The following SYNE1 variants were observed in gnomAD, a reference collection of about 807,000 sequenced individuals.
SYNE1 encodes nesprin-1.
Under a neutral mutation model 1,111.0 loss-of-function variants are expected in SYNE1, and 616 were observed. The observed-to-expected ratio is 0.55, with a 90% confidence interval of 0.52 to 0.59. SYNE1 has a LOEUF of 0.59. SYNE1 is among the 20% of genes least tolerant of loss of function. The pLI is 0.00. For synonymous variants in SYNE1, 3,855 were observed against 3,825.8 expected (o/e 1.01, Z -0.28); for missense variants, 10,006 against 10,417.0 (o/e 0.96, Z 1.72).
intron 100 of SYNE1, among the ~76,000 whole-genome samples, chr6:152,266,714 T>C (rs961770951): frequency 1.3e-5 from 2 of 152,228 alleles, no homozygotes; most frequent in Non-Finnish European, 2.9e-5. Flanking sequence ...TTTCCTTTTC[T>C]TGAATGCCTT....
Position 152,451,093 on chromosome 6 carries a change from T to C in SYNE1, c.3140A>G (p.Lys1047Arg). 6.2e-7 allele frequency: 1 copy of C among 1,614,172 alleles called. No homozygotes were observed. ...TTCACTGCCTTCCTGGGGCATCAGC[T>C]TGGTCTCTCGATCCAGCTCAGTTCT... ...ECRTELDRET[K>R]LMPQEGSEKI... The change falls in exon 26 of 146, where the codon AAG (lysine) becomes AGG (arginine). Residue 1047 changes from lysine to arginine, a missense_variant. Physicochemically the swap from Lys to Arg is conservative, Grantham distance 26 (BLOSUM62 2). Coordinates refer to ENST00000367255, the MANE Select transcript of SYNE1 (RefSeq NM_182961.4).
At chr6:152,307,557 C>T (rs2095417746) in intron 91 of SYNE1, among the ~76,000 whole-genome samples, 1 of 151,918 alleles carries the variant, frequency 6.6e-6, no homozygotes, top group African/African-American at 2.4e-5. Context: ...TGAATTTGAC[C>T]TATATGGAAT....
chr6:152,486,254 C>T (rs2098939886), intron 12 of SYNE1, among the ~76,000 whole-genome samples: 1 of 151,696 alleles, frequency 6.6e-6, no homozygotes, highest in African/African-American at 2.4e-5. Context: ...AACAAAACAT[C>T]AAATCAACTT....
At chr6:152,320,924 C>G (rs1475774160) in intron 84 of SYNE1, among the ~76,000 whole-genome samples, 3 of 152,178 alleles carry the variant, frequency 2.0e-5, no homozygotes. Context: ...GGAAGAGTCC[C>G]TGGCACACTC....
intron 14 of SYNE1, among the ~76,000 whole-genome samples, chr6:152,479,736 G>A (rs2154290730): frequency 6.6e-6 from 1 of 152,222 alleles, no homozygotes; most frequent in Non-Finnish European, 1.5e-5. Flanking sequence ...TAGGGTAACT[G>A]GAAAATAGAA....
intron 2 of SYNE1, among the ~76,000 whole-genome samples, chr6:152,636,231 T>G (rs1331430039): frequency 6.6e-6 from 1 of 151,618 alleles, no homozygotes; most frequent in African/African-American, 2.4e-5. Flanking sequence ...AGTCAGGGGG[T>G]GGAGGAAGGG....
intron 122 of SYNE1, 21 bp from the exon 123 acceptor site, chr6:152,213,780 G>A (rs1430609577): frequency 1.2e-6 from 2 of 1,613,704 alleles, no homozygotes; most frequent in Admixed American, 1.7e-5. Context: ...AAAGGGCAAG[G>A]AACAATGGTT....
chr6:152,593,222 CTA>C, intron 3 of SYNE1, among the ~76,000 whole-genome samples: 1 of 152,224 alleles, frequency 6.6e-6, no homozygotes, highest in Middle Eastern at 3.4e-3. Context: ...TTCCAAGAAT[CTA>C]TTGATAGCAT....
At chr6:152,384,654 T>C (rs1451314018) in intron 55 of SYNE1, among the ~76,000 whole-genome samples, 1 of 152,168 alleles carries the variant, frequency 6.6e-6, no homozygotes, top group East Asian at 1.9e-4. Context: ...GGCAGGCTGA[T>C]CACCTGAGGT....
At chr6:152,417,521 C>CAAACAAAA (rs139258214) in intron 40 of SYNE1, among the ~76,000 whole-genome samples, 28,804 of 151,688 alleles carry the variant, frequency 0.19, 2,879 homozygotes, top group East Asian at 0.35. Flanking sequence ...AACAAACAAA[C>CAAACAAAA]AAACACAACT....
At chr6:152,443,813 C>T (rs1327077147) in intron 30 of SYNE1, among the ~76,000 whole-genome samples, 2 of 151,906 alleles carry the variant, frequency 1.3e-5, no homozygotes, top group East Asian at 3.9e-4. Flanking sequence ...GTATATATTC[C>T]TTTTATGCAA....
intron 72 of SYNE1, among the ~76,000 whole-genome samples, chr6:152,347,630 A>C (rs1325291213): frequency 6.6e-6 from 1 of 151,384 alleles, no homozygotes; most frequent in Non-Finnish European, 1.5e-5. Flanking sequence ...AACTTTATAT[A>C]ATATCTTATT....
chr6:152,462,664 T>G (rs142612936), intron 20 of SYNE1, 74 bp downstream of exon 20: 23 of 1,583,360 alleles, frequency 1.5e-5, no homozygotes, highest in Non-Finnish European at 1.8e-5. Context: ...GCTTTTGCAA[T>G]GATCTGAATA....
intron 6 of SYNE1, among the ~76,000 whole-genome samples, chr6:152,511,869 C>T (rs1350146814): frequency 6.6e-6 from 1 of 152,140 alleles, no homozygotes; most frequent in Non-Finnish European, 1.5e-5. Context: ...GTTTTTCATC[C>T]ACTACAAAGT....
chr6:152,345,205 G>T (rs2096609090), intron 73 of SYNE1, among the ~76,000 whole-genome samples: 1 of 152,112 alleles, frequency 6.6e-6, no homozygotes, highest in Non-Finnish European at 1.5e-5. Context: ...TAAAAATTAT[G>T]TTGGCTTTTC....
At position 152,255,715 on chromosome 6, in the gene SYNE1, A is replaced by G. The variant is rs777882357; in HGVS notation, c.19136T>C (p.Leu6379Ser). Residue 6379 changes from leucine to serine, a missense_variant, in exon 103 of 146, where the codon TTG becomes TCG. By Grantham distance (145) the Leu-to-Ser change is moderately radical (BLOSUM62 -2). This residue lies in a region of SYNE1 where 2,182 missense variants were observed against 2,287.8 expected (regional missense o/e 0.95). Transcript: ENST00000367255. Reference sequence around the variant, plus strand: ...GACTCCATCATACAACTTCTGCTCCAAGTGTATACTCTGCCTCTTTGCCCC... The same window carrying G: ...GACTCCATCATACAACTTCTGCTCCGAGTGTATACTCTGCCTCTTTGCCCC... ...SGGAKRQSIH[L>S]EQKLYDGVSA... 5 of 1,614,208 alleles carry G rather than the reference A, an allele frequency of 3.1e-6. No individual in the cohort carries two copies. The Admixed American group carries it at 8.3e-5, about 27-fold the overall frequency.
intron 100 of SYNE1, among the ~76,000 whole-genome samples, chr6:152,264,932 G>A (rs113266381): frequency 5.9e-5 from 9 of 152,050 alleles, no homozygotes; most frequent in Admixed American, 2.0e-4. Context: ...TCTTAGGGCT[G>A]GGCGTGGTGG....
intron 127 of SYNE1, among the ~76,000 whole-genome samples, chr6:152,191,412 G>A (rs1274852405): frequency 1.3e-5 from 2 of 151,962 alleles, no homozygotes; most frequent in Non-Finnish European, 2.9e-5. Context: ...ATCAGGTCCT[G>A]GGCTTCTTTG....
At position 152,205,730 on chromosome 6, in the gene SYNE1, G is replaced by C. The variant is rs115176364; in HGVS notation, c.23019+438C>G. Among the ~76,000 whole-genome samples the C allele has an allele frequency of 4.1e-3, 622 of 152,268 alleles. 4 individuals are homozygous for C. The highest frequency in any genetic ancestry group is 0.014 in the African/African-American group (602 of 41,566). ...ATTTTATCTCATGGCAACTTGCTTGGATCAGCTAAGATAAATTAAGAGTAT... is the reference window on the plus strand; with the variant it reads ...ATTTTATCTCATGGCAACTTGCTTGCATCAGCTAAGATAAATTAAGAGTAT... On this transcript the variant is annotated intron_variant, in intron 126 of 145. Transcript: ENST00000367255.
Sources: allele counts gnomAD v4.1 joint callset (sites outside exome capture counted in the v4.1 genomes callset), GRCh38; gene constraint gnomAD v4.1.1; regional missense constraint gnomAD v4.1.1; transcripts MANE v1.5; gene names NCBI Gene and HGNC (gene_info 2026-07-23, HGNC 2026-07-21).